The following RPL35 variants were observed in gnomAD, a reference collection of about 807,000 sequenced individuals.
RPL35 encodes the protein ribosomal protein L35.
Under a neutral mutation model 15.6 loss-of-function variants are expected in RPL35, and 2 were observed. The observed-to-expected ratio is 0.13, with a 90% CI of 0.05 to 0.40. The LOEUF is 0.40. Among genes scored for constraint, RPL35 ranks in the 10% least tolerant of loss-of-function variants. The pLI is 0.99. For synonymous variants in RPL35, 93 were observed against 67.9 expected, an observed-to-expected ratio of 1.37 and a Z score of -1.82; for missense variants, 111 against 164.7, an observed-to-expected ratio of 0.67 and a Z score of 1.79.
chr9:124,861,290 T>G, intron 2 of RPL35, 129 bp downstream of exon 2: 2 of 1,208,028 alleles, frequency 1.7e-6, no homozygotes, highest in Non-Finnish European at 2.3e-6. Flanking sequence ...GGGTCTCCCA[T>G]GCGCGCCAGG....
chr9:124,860,155 A>C, intron 3 of RPL35, 28 bp downstream of exon 3: 1 of 1,574,684 alleles, frequency 6.4e-7, no homozygotes, highest in South Asian at 1.1e-5. Context: ...TCCTGCAGCC[A>C]ACCCTCCCTA....
At position 124,861,088 on chromosome 9, in the gene RPL35, A is replaced by C. The variant is rs899635687; in HGVS notation, c.140+331T>G. 58 of 283,272 alleles carry C rather than the reference A, an allele frequency of 2.0e-4. No individual in the cohort carries two copies. In the Admixed American group the frequency reaches 2.9e-3, roughly 14 times the overall value. 17.5% of individuals were successfully genotyped at this position (283,272 alleles called of 1,614,324 possible). On this transcript the variant is annotated intron_variant, in intron 2 of 3. Coordinates refer to ENST00000348462, the MANE Select transcript of RPL35 (RefSeq NM_007209.4). ...AGTCTCCCGCACTCTTAGCCATGTA[A>C]AATAACTTACGCTGCCACTCCAGGG...
At position 124,858,026 on chromosome 9, in the gene RPL35, T is replaced by G; in HGVS notation, c.264A>C (p.Thr88=). Residue 88 remains threonine (T), a synonymous_variant, in exon 4 of 4, where the codon ACA becomes ACC. Transcript: ENST00000348462. Reference sequence around the variant, plus strand: ...TGTTGAGCCGGCGGCGCATGGCACGTGTCTTCTTAGGCCGCAGGTCCAGGG... The same window carrying G: ...TGTTGAGCCGGCGGCGCATGGCACGGGTCTTCTTAGGCCGCAGGTCCAGGG... The part of the protein sequence containing the change: ...YKPLDLRPKK[T]RAMRRRLNKH... 3 of 1,612,450 alleles carry G rather than the reference T, an allele frequency of 1.9e-6. No homozygotes were observed. Among genetic ancestry groups the G allele is most frequent in the Non-Finnish European group, 2.5e-6 (3 of 1,180,014 alleles).
At position 124,860,185 on chromosome 9, in the gene RPL35, T is replaced by G; in HGVS notation, c.220A>C (p.Lys74Gln). The G allele has an allele frequency of 6.2e-7, 1 of 1,612,236 alleles. No individual in the cohort carries two copies. The highest frequency in any genetic ancestry group is 8.5e-7 in the Non-Finnish European group (1 of 1,178,256). Reference sequence around the variant, plus strand: ...TCCCTATGTCCAGGCAGACTCACCTTGTAGAATTTCCTGAGGTTTTCTTTC... The same window carrying G: ...TCCCTATGTCCAGGCAGACTCACCTGGTAGAATTTCCTGAGGTTTTCTTTC... The part of the protein sequence containing the change: ...TQKENLRKFY[K>Q]GKKYKPLDLR... The change falls in exon 3 of 4, where the codon AAG (lysine) becomes CAG (glutamine). Residue 74 changes from lysine to glutamine, a missense_variant and splice_region_variant. Coordinates refer to ENST00000348462, the MANE Select transcript of RPL35 (RefSeq NM_007209.4).
At position 124,858,356 on chromosome 9, in the gene RPL35, G is replaced by A. The variant is rs183738066; in HGVS notation, c.223-289C>T. On this transcript the variant is annotated intron_variant, in intron 3 of 3. Transcript: ENST00000348462. ...TCTCAGTCAAGTGACTCCCAACTCA[G>A]TGCTCCTTCCACTGCCCGATTCCCA... 1,585 of 635,608 alleles carry A rather than the reference G, an allele frequency of 2.5e-3. 25 individuals are homozygous for A. Among genetic ancestry groups the A allele is most frequent in the Non-Finnish European group, 1.6e-4 (54 of 342,694 alleles). The allele number at this position is 635,608 out of a possible 1,614,324, so 39.4% of individuals were successfully genotyped here. A position where few individuals can be genotyped will look rare whatever the true frequency, so the allele number is the denominator to read the frequency against.
intron 1 of RPL35, 124 bp downstream of exon 1, chr9:124,861,786 A>G: frequency 7.2e-7 from 1 of 1,394,578 alleles, no homozygotes; most frequent in Admixed American, 2.4e-5. Flanking sequence ...GTGGCGCCAG[A>G]CCATTCTGCG....
chr9:124,861,463 G>C lies in RPL35; in HGVS notation c.96C>G (p.Arg32=), dbSNP rs148475910. Residue 32 remains arginine (R), a synonymous_variant, in exon 2 of 4, where the codon CGC becomes CGG. Transcript: ENST00000348462. ...DDLKVELSQL[R]VAKVTGGAAS... ...CCGCACCGCCTGTCACTTTGGCGAC[G>C]CGCAGCTGGGACAGCTCCACCTTCA... The C allele has an allele frequency of 4.3e-6, 7 of 1,613,916 alleles. No homozygotes were observed. Among genetic ancestry groups the C allele is most frequent in the Non-Finnish European group, 5.9e-6 (7 of 1,179,980 alleles).
At chr9:124,860,565 T>C (rs1050500149) in intron 2 of RPL35, among the ~76,000 whole-genome samples, 3 of 152,172 alleles carry the variant, frequency 2.0e-5, no homozygotes, top group African/African-American at 7.2e-5. Context: ...TTCAATGAGC[T>C]GATGGGAAGG....
intron 3 of RPL35, among the ~76,000 whole-genome samples, chr9:124,859,004 C>T (rs1829155206): frequency 6.6e-6 from 1 of 152,228 alleles, no homozygotes; most frequent in African/African-American, 2.4e-5. Context: ...ACATCCCTCA[C>T]TCCTGCTGGC....
chr9:124,860,525 C>T (rs1166718796), intron 2 of RPL35, among the ~76,000 whole-genome samples: 4 of 152,174 alleles, frequency 2.6e-5, no homozygotes, highest in African/African-American at 9.7e-5. Flanking sequence ...ACGAATTTAT[C>T]CTGAGGGCTA....
chr9:124,859,314 T>G (rs1385741278), intron 3 of RPL35, among the ~76,000 whole-genome samples: 3 of 152,230 alleles, frequency 2.0e-5, no homozygotes, highest in African/African-American at 7.2e-5. Context: ...CATGGCTGCT[T>G]TTCCCTTGTG....
rs755742447 is a variant in RPL35, at chr9:124,861,926, G to C, written c.-14C>G. 2.6e-4 allele frequency: 418 copies of C among 1,598,820 alleles called. 5 individuals are homozygous for C. In the South Asian group the frequency reaches 3.0e-3, roughly 11 times the overall value. ...AGCTCTCACCATTGCTGCACAAGCC[G>C]CCAACGCCGCCGCCCGCTCCGAGGG... On this transcript the variant is annotated 5_prime_UTR_variant, in exon 1 of 4. Coordinates refer to ENST00000348462, the MANE Select transcript of RPL35 (RefSeq NM_007209.4).
chr9:124,860,299 A>C, intron 2 of RPL35, 35 bp from the exon 3 acceptor site: 1 of 1,531,238 alleles, frequency 6.5e-7, no homozygotes, highest in Non-Finnish European at 9.1e-7. Context: ...GATAGGGAAG[A>C]CACATAGCAC....
At chr9:124,861,744 T>C in intron 1 of RPL35, 166 bp downstream of exon 1, 2 of 1,322,980 alleles carry the variant, frequency 1.5e-6, no homozygotes, top group Non-Finnish European at 2.0e-6. Context: ...GCCGCGCGCC[T>C]CTCCCGGCGC....
At position 124,861,944 on chromosome 9, in the gene RPL35, T is replaced by A; in HGVS notation, c.-32A>T. ...ACAAGCCGCCAACGCCGCCGCCCGC[T>A]CCGAGGGAAAGAGGAAGTAGGCGGG... On this transcript the variant is annotated 5_prime_UTR_variant, in exon 1 of 4. Coordinates refer to ENST00000348462, the MANE Select transcript of RPL35 (RefSeq NM_007209.4). 13 of 1,597,082 alleles carry A rather than the reference T, an allele frequency of 8.1e-6. No homozygotes were observed. Among genetic ancestry groups the A allele is most frequent in the Non-Finnish European group, 1.1e-5 (13 of 1,172,672 alleles).
chr9:124,861,393 G>A (rs969606140), intron 2 of RPL35, 26 bp downstream of exon 2: 16 of 1,602,740 alleles, frequency 1.0e-5, no homozygotes, highest in Non-Finnish European at 1.4e-5. Context: ...CACCCACGAG[G>A]GCTGTGATCC....
At position 124,861,406 on chromosome 9, in the gene RPL35, C is replaced by T; in HGVS notation, c.140+13G>A. The T allele has an allele frequency of 1.2e-6, 2 of 1,607,020 alleles. No homozygotes were observed. The highest frequency in any genetic ancestry group is 1.7e-6 in the Non-Finnish European group (2 of 1,176,702). On this transcript the variant is annotated intron_variant, in intron 2 of 3. Transcript: ENST00000348462. Reference sequence around the variant, plus strand: ...CCCACCCACGAGGGCTGTGATCCGGCCGCCTCACTTACATCTTAGAGAGCT... The same window carrying T: ...CCCACCCACGAGGGCTGTGATCCGGTCGCCTCACTTACATCTTAGAGAGCT...
Position 124,861,684 on chromosome 9 carries a change from G to A in RPL35, c.4-129C>T, listed in dbSNP as rs367631899. ...GCGCCGGAGCCCCAACCAGGGCTCA[G>A]GACAGTCTCCCTCGCCGGCCGTGCC... On this transcript the variant is annotated intron_variant, in intron 1 of 3. Transcript: ENST00000348462. The A allele has an allele frequency of 5.6e-5, 80 of 1,416,596 alleles. 1 individual carries two copies. The highest frequency in any genetic ancestry group is 3.3e-4 in the East Asian group (14 of 42,716). 87.8% of individuals were successfully genotyped at this position (1,416,596 alleles called of 1,614,324 possible). A position where few individuals can be genotyped will look rare whatever the true frequency, so the allele number is the denominator to read the frequency against.
At chr9:124,860,361 C>T (rs1829177847) in intron 2 of RPL35, 97 bp from the exon 3 acceptor site, 3 of 967,512 alleles carry the variant, frequency 3.1e-6, no homozygotes, top group Non-Finnish European at 5.0e-6. Context: ...CAGCCTCCCC[C>T]ATCAACCCAT....
Sources: allele counts gnomAD v4.1 joint callset (sites outside exome capture counted in the v4.1 genomes callset), GRCh38; gene constraint gnomAD v4.1.1; transcripts MANE v1.5; gene names NCBI Gene and HGNC (gene_info 2026-07-23, HGNC 2026-07-21).